Variants in TAB3 observed in about 807,000 individuals in gnomAD.
The protein encoded by TAB3 is TGF-beta-activated kinase 1 and MAP3K7-binding protein 3.
TAB3 carries 18 observed loss-of-function variants against 48.1 expected under a neutral mutation model. That is an observed-to-expected ratio of 0.37 (90% CI 0.26 to 0.55). TAB3 has a LOEUF of 0.55. Ranked by LOEUF, TAB3 falls within the 20% of genes least tolerant of loss-of-function variation. TAB3 has a pLI of 0.78. For missense variants in TAB3, 414 were observed against 549.8 expected (o/e 0.75, Z 2.47); for synonymous variants, 185 against 190.2 (o/e 0.97, Z 0.22).
chrX:30,831,274 T>C lies in TAB3; in HGVS notation c.*153A>G. ...AAAAAAGACCTCCCCATTTTTCCTT[T>C]CGTGAGCACAACGACGACCACAAAG... On this transcript the variant is annotated 3_prime_UTR_variant, in exon 11 of 11. Transcript: ENST00000288422. The C allele has an allele frequency of 1.6e-6, 1 of 618,120 alleles. No homozygotes were observed. Among genetic ancestry groups the C allele is most frequent in the Non-Finnish European group, 2.3e-6 (1 of 428,469 alleles). 50.9% of individuals were successfully genotyped at this position (618,120 alleles called of 1,213,427 possible).
intron 5 of TAB3, 142 bp from the exon 6 acceptor site, chrX:30,855,704 G>T: frequency 1.8e-6 from 1 of 562,288 alleles, no homozygotes; most frequent in East Asian, 3.6e-5. Flanking sequence ...AAAACTTCAT[G>T]GTCATCTATC....
At chrX:30,847,651 T>C (rs1393246026) in intron 7 of TAB3, among the ~76,000 whole-genome samples, 1 of 111,033 alleles carries the variant, frequency 9.0e-6, no homozygotes, top group Non-Finnish European at 1.9e-5. Flanking sequence ...AAATATCTGC[T>C]ACTATAGGAA....
At chrX:30,883,371 G>A (rs1329331092) in intron 1 of TAB3, among the ~76,000 whole-genome samples, 2 of 112,087 alleles carry the variant, frequency 1.8e-5, no homozygotes, top group South Asian at 3.7e-4. Context: ...CACTACACAC[G>A]TATTAACACA....
At chrX:30,856,085 T>G (rs1234549885) in intron 5 of TAB3, among the ~76,000 whole-genome samples, 1 of 111,858 alleles carries the variant, frequency 8.9e-6, no homozygotes, top group Non-Finnish European at 1.9e-5. Context: ...CAATAAAAAT[T>G]CTAAAGCAGC....
At chrX:30,835,890 T>C (rs1390578359) in intron 9 of TAB3, 1 of 112,622 alleles carries the variant, frequency 8.9e-6, no homozygotes, top group East Asian at 2.8e-4. Flanking sequence ...AAGACATTTA[T>C]TTATTCGAAC....
intron 7 of TAB3, among the ~76,000 whole-genome samples, chrX:30,850,350 ATAAAAGT>A (rs924219711): frequency 1.8e-5 from 2 of 112,134 alleles, no homozygotes; most frequent in African/African-American, 6.5e-5. Context: ...TGAAATTATA[ATAAAAGT>A]TAAAACTAAA....
In TAB3 at chrX:30,829,486, G is replaced by A. The variant is rs1021424648; in HGVS notation, c.*1941C>T. On this transcript the variant is annotated 3_prime_UTR_variant, in exon 11 of 11. Transcript: ENST00000288422. ...AAGGCATATTACAGAACAGTAGGAC[G>A]GCTAGACTGTTATTGGAGACAGAGA... 1 of 111,892 alleles carries A rather than the reference G, an allele frequency of 8.9e-6. No homozygotes were observed. Among genetic ancestry groups the A allele is most frequent in the Non-Finnish European group, 1.9e-5 (1 of 53,126 alleles). The allele number at this position is 111,892 out of a possible 1,213,427, so 9.2% of individuals were successfully genotyped here. A position where few individuals can be genotyped will look rare whatever the true frequency, so the allele number is the denominator to read the frequency against.
chrX:30,861,796 G>T (rs1274719088), intron 4 of TAB3, among the ~76,000 whole-genome samples: 2 of 111,835 alleles, frequency 1.8e-5, no homozygotes, highest in African/African-American at 6.5e-5. Context: ...AAAGAAATAG[G>T]TGAAATTAAT....
chrX:30,861,731 G>T (rs187304605), intron 4 of TAB3, among the ~76,000 whole-genome samples: 92 of 111,721 alleles, frequency 8.2e-4, no homozygotes, highest in African/African-American at 2.9e-3. Flanking sequence ...GCATTGTCCA[G>T]TAAAAAATAT....
chrX:30,879,660 A>G (rs1450847307), intron 1 of TAB3, among the ~76,000 whole-genome samples: 4 of 111,865 alleles, frequency 3.6e-5, no homozygotes, highest in Admixed American at 9.5e-5. Flanking sequence ...AGAAATGTTC[A>G]AAGTTTTCCT....
intron 1 of TAB3, among the ~76,000 whole-genome samples, chrX:30,880,729 C>T (rs1368235697): frequency 3.6e-5 from 4 of 111,387 alleles, no homozygotes; most frequent in African/African-American, 1.3e-4. Context: ...GAAGAAATTC[C>T]TCCCAAAATA....
At chrX:30,837,438 T>TA (rs1157594058) in intron 9 of TAB3, among the ~76,000 whole-genome samples, 12 of 111,889 alleles carry the variant, frequency 1.1e-4, no homozygotes, top group Non-Finnish European at 2.1e-4. Context: ...TCCATCTGAT[T>TA]ACCCCAGGAA....
intron 1 of TAB3, among the ~76,000 whole-genome samples, chrX:30,878,515 A>G (rs928373693): frequency 2.3e-5 from 2 of 85,245 alleles, no homozygotes; most frequent in Non-Finnish European, 4.6e-5. Flanking sequence ...AAAAAAAAAA[A>G]AAAAGAAAGA....
At chrX:30,883,601 CA>C (rs1940054069) in intron 1 of TAB3, among the ~76,000 whole-genome samples, 2 of 111,682 alleles carry the variant, frequency 1.8e-5, no homozygotes, top group Non-Finnish European at 3.8e-5. Context: ...CGGCCTCTAC[CA>C]GAGGAGAGAG....
chrX:30,854,780 T>C lies in TAB3; in HGVS notation c.885A>G (p.Pro295=). 2 of 1,208,946 alleles carry C rather than the reference T, an allele frequency of 1.7e-6. No individual in the cohort carries two copies. The highest frequency in any genetic ancestry group is 3.0e-5 in the East Asian group (1 of 33,766). The change falls in exon 6 of 11, where the codon CCA becomes CCG. Residue 295 remains proline (P), a synonymous_variant. Coordinates refer to ENST00000288422, the MANE Select transcript of TAB3 (RefSeq NM_152787.5). ...AGGGTGAAGGACATTGAGAAGGAGG[T>C]GGTGAATGGTAAGCAGACTGAGGGA... ...QQIPQSAYHS[P]PPSQCPSPFS...
chrX:30,844,141 G>C (rs189130035), intron 8 of TAB3: 3 of 110,600 alleles, frequency 2.7e-5, no homozygotes, highest in African/African-American at 9.9e-5. Context: ...TAAAAGTTTA[G>C]ATTGGAAACT....
chrX:30,879,537 T>TA (rs1939937441), intron 1 of TAB3, among the ~76,000 whole-genome samples: 1 of 111,982 alleles, frequency 8.9e-6, no homozygotes, highest in Admixed American at 9.5e-5. Context: ...AAACATTTGA[T>TA]AAAATCCAGT....
Position 30,830,468 on chromosome X carries a change from C to G in TAB3, c.*959G>C, listed in dbSNP as rs1220917374. The G allele has an allele frequency of 2.7e-5, 3 of 111,517 alleles. No homozygotes were observed. The highest frequency in any genetic ancestry group is 5.7e-5 in the Non-Finnish European group (3 of 53,061). 9.2% of individuals were successfully genotyped at this position (111,517 alleles called of 1,213,427 possible). A position where few individuals can be genotyped will look rare whatever the true frequency, so the allele number is the denominator to read the frequency against. ...AAATTGGAAGGAAAAAAAAAAGGCC[C>G]TATGGACTGCAAAAGTTTAAGAACC... On this transcript the variant is annotated 3_prime_UTR_variant, in exon 11 of 11. Transcript: ENST00000288422.
chrX:30,868,391 A>ATAAGCTTT (rs1939509005), intron 2 of TAB3, among the ~76,000 whole-genome samples: 1 of 34,072 alleles, frequency 2.9e-5, no homozygotes, highest in African/African-American at 1.1e-4. Flanking sequence ...TATAGCTTAT[A>ATAAGCTTT]TATATATATA....
Sources: gnomAD v4.1 joint callset for allele counts (sites outside exome capture counted in the v4.1 genomes callset) on GRCh38, gnomAD v4.1.1 for gene constraint, MANE v1.5 for transcripts, NCBI Gene and HGNC (gene_info 2026-07-23, HGNC 2026-07-21) for gene names.